The following FAT1 variants were observed in gnomAD, a reference collection of about 807,000 sequenced individuals.
FAT1 encodes protocadherin Fat 1.
Under a neutral mutation model 329.8 loss-of-function variants are expected in FAT1, and 171 were observed. The ratio of observed to expected loss-of-function variants is 0.52; its 90% CI spans 0.46 to 0.59. The LOEUF (loss-of-function observed/expected upper bound fraction) is 0.59. Among genes scored for constraint, FAT1 ranks in the 20% least tolerant of loss-of-function variants. The pLI is 0.00. For synonymous variants in FAT1, 2,233 were observed against 2,228.6 expected, an observed-to-expected ratio of 1.00 and a Z score of -0.06; for missense variants, 5,672 against 5,774.4, an observed-to-expected ratio of 0.98 and a Z score of 0.57.
At position 186,672,553 on chromosome 4, in the gene FAT1, G is replaced by A. The variant is rs558789767; in HGVS notation, c.3266-8940C>T. Among the ~76,000 whole-genome samples the A allele has an allele frequency of 7.6e-4, 115 of 152,304 alleles. 1 individual carries two copies. The highest frequency in any genetic ancestry group is 2.7e-3 in the African/African-American group (112 of 41,564). On this transcript the variant is annotated intron_variant, in intron 2 of 26. Transcript: ENST00000441802. ...CAAACTCAGTGGCCTGATGATGACT[G>A]ACAGGGATGGCAACATAACAGCATA...
chr4:186,718,886 A>G (rs567211540), intron 1 of FAT1, among the ~76,000 whole-genome samples: 1 of 152,076 alleles, frequency 6.6e-6, no homozygotes, highest in East Asian at 1.9e-4. Flanking sequence ...CCGCATCACA[A>G]GCTAATGTCA....
chr4:186,707,793 C>T lies in FAT1; in HGVS notation c.2035G>A (p.Val679Ile), dbSNP rs61733571. The change falls in exon 2 of 27, where the codon GTT becomes ATT. Residue 679 changes from valine to isoleucine, a missense_variant. Around this residue, in one of 2 missense-constraint regions of FAT1, gnomAD observed 3,966 missense variants for 3,915.2 expected, o/e 1.01. Transcript: ENST00000441802. Reference sequence around the variant, plus strand: ...AGCTTCTCTGCCAGCATTTTGGCAACACCAGTCTCTTCACACTGCAAGTTT... The same window carrying T: ...AGCTTCTCTGCCAGCATTTTGGCAATACCAGTCTCTTCACACTGCAAGTTT... ...LVNLQCEETG[V>I]AKMLAEKLLQ... 2,789 of 1,613,692 alleles carry T rather than the reference C, an allele frequency of 1.7e-3. 45 individuals are homozygous for T. In the African/African-American group the frequency reaches 0.033, roughly 19 times the overall value.
At chr4:186,688,855 C>T (rs951602053) in intron 2 of FAT1, among the ~76,000 whole-genome samples, 5 of 152,016 alleles carry the variant, frequency 3.3e-5, no homozygotes, top group Non-Finnish European at 7.4e-5. Context: ...AACCTGTATT[C>T]GTTTAAACCC....
At chr4:186,648,816 G>A (rs1741498856) in intron 3 of FAT1, among the ~76,000 whole-genome samples, 1 of 152,046 alleles carries the variant, frequency 6.6e-6, no homozygotes, top group South Asian at 2.1e-4. Context: ...CACTCATGAG[G>A]ACCCAGCCTG....
At chr4:186,666,477 C>T (rs1186927619) in intron 2 of FAT1, among the ~76,000 whole-genome samples, 1 of 152,146 alleles carries the variant, frequency 6.6e-6, no homozygotes, top group African/African-American at 2.4e-5. Flanking sequence ...TACACATTAA[C>T]AAAATGTACA....
chr4:186,649,978 C>T (rs1741558941), intron 3 of FAT1, among the ~76,000 whole-genome samples: 1 of 152,144 alleles, frequency 6.6e-6, no homozygotes, highest in Admixed American at 6.5e-5. Context: ...TTCCATTATT[C>T]AGAGATAACC....
rs759140245 is a variant in FAT1 at position 186,614,315 on chromosome 4, G to A, written c.9105C>T (p.Asp3035=). Residue 3035 remains aspartate (D), a synonymous_variant, in exon 12 of 27, where the codon GAC becomes GAT. Coordinates refer to ENST00000441802, the MANE Select transcript of FAT1 (RefSeq NM_005245.4). ...KTLYSDTIPE[D]VLPGKLIMQI... Reference sequence around the variant, plus strand: ...GCATGATCAATTTTCCAGGAAGGACGTCTTCAGGAATAGTGTCTGAATATA... The same window carrying A: ...GCATGATCAATTTTCCAGGAAGGACATCTTCAGGAATAGTGTCTGAATATA... The A allele has an allele frequency of 2.5e-5, 40 of 1,578,734 alleles. No homozygotes were observed. The African/African-American group carries it at 3.0e-4, about 12-fold the overall frequency.
At chr4:186,704,746 C>T (rs1744488748) in intron 2 of FAT1, among the ~76,000 whole-genome samples, 1 of 152,108 alleles carries the variant, frequency 6.6e-6, no homozygotes, top group South Asian at 2.1e-4. Flanking sequence ...AAAAGACATT[C>T]TACTCTTCAG....
At chr4:186,692,962 G>T (rs1743857329) in intron 2 of FAT1, among the ~76,000 whole-genome samples, 1 of 152,152 alleles carries the variant, frequency 6.6e-6, no homozygotes, top group Non-Finnish European at 1.5e-5. Context: ...TCCTTTGGGG[G>T]TAAGAAACTT....
chr4:186,724,988 A>T (rs2126729852), upstream of FAT1, among the ~76,000 whole-genome samples: 1 of 152,274 alleles, frequency 6.6e-6, no homozygotes, highest in Admixed American at 6.5e-5. This position sits in a 1 kb window ranked among gnomAD's most constrained non-coding sequence, Gnocchi z 5.3. Flanking sequence ...TGACCGGAAA[A>T]AATAATAATA....
chr4:186,714,726 T>C (rs1745127904), intron 1 of FAT1, among the ~76,000 whole-genome samples: 4 of 151,850 alleles, frequency 2.6e-5, no homozygotes, highest in Admixed American at 2.6e-4. Context: ...AGTGAGTAAA[T>C]AAAGATTTTT....
intron 4 of FAT1, among the ~76,000 whole-genome samples, chr4:186,638,455 G>GA (rs1740937578): frequency 1.3e-5 from 2 of 152,132 alleles, no homozygotes; most frequent in South Asian, 4.2e-4. Flanking sequence ...GTGACAGAAT[G>GA]AAAATTCAAA....
chr4:186,687,780 C>A (rs191025150), intron 2 of FAT1, among the ~76,000 whole-genome samples: 93 of 152,304 alleles, frequency 6.1e-4, no homozygotes, highest in African/African-American at 2.2e-3. Flanking sequence ...AAATCACATT[C>A]TTTAAGAATA....
At chr4:186,607,784 T>A (rs1243546828) in intron 16 of FAT1, among the ~76,000 whole-genome samples, 2 of 151,622 alleles carry the variant, frequency 1.3e-5, no homozygotes, top group Non-Finnish European at 1.5e-5. Flanking sequence ...GATGACTGGA[T>A]AAATGGGTGG....
chr4:186,595,752 G>T lies in FAT1; in HGVS notation c.13075C>A (p.Arg4359=), dbSNP rs1170751291. 1 of 1,613,710 alleles carries T rather than the reference G, an allele frequency of 6.2e-7. No individual in the cohort carries two copies. Among genetic ancestry groups the T allele is most frequent in the Non-Finnish European group, 8.5e-7 (1 of 1,179,818 alleles). ...EEKPSQPYSA[R]ESLSEVQSLS... is the part of the protein sequence containing the mutation. Reference sequence around the variant, plus strand: ...GACTGCACTTCAGACAGGCTTTCCCGGGCACTGTATGGCTGGGAAGGCTTT... The same window carrying T: ...GACTGCACTTCAGACAGGCTTTCCCTGGCACTGTATGGCTGGGAAGGCTTT... The change falls in exon 26 of 27, where the codon CGG becomes AGG. Residue 4359 remains arginine (R), a synonymous_variant. Coordinates refer to ENST00000441802, the MANE Select transcript of FAT1 (RefSeq NM_005245.4).
chr4:186,611,642 C>A lies in FAT1; in HGVS notation c.9597G>T (p.Leu3199Phe). The A allele has an allele frequency of 6.2e-7, 1 of 1,613,246 alleles. No individual in the cohort carries two copies. The highest frequency in any genetic ancestry group is 1.3e-5 in the African/African-American group (1 of 74,998). Residue 3199 changes from leucine to phenylalanine, a missense_variant, in exon 14 of 27, where the codon TTG (leucine) becomes TTT (phenylalanine). Coordinates refer to ENST00000441802, the MANE Select transcript of FAT1 (RefSeq NM_005245.4). The part of the protein sequence containing the change: ...RELQAVYTLS[L>F]KAVDQGLPRR... ...TTGGCAAGCCTTGATCCACAGCTTTCAAAGAGAGGGTGTATACTGCCTGGA... is the reference window on the plus strand; with the variant it reads ...TTGGCAAGCCTTGATCCACAGCTTTAAAAGAGAGGGTGTATACTGCCTGGA...
chr4:186,641,714 C>A (rs1741104436), intron 3 of FAT1, among the ~76,000 whole-genome samples: 2 of 152,170 alleles, frequency 1.3e-5, no homozygotes, highest in Non-Finnish European at 2.9e-5. Flanking sequence ...ACTACCAATT[C>A]CACATAAAAA....
intron 7 of FAT1, 57 bp from the exon 8 acceptor site, chr4:186,628,820 C>A: frequency 6.6e-7 from 1 of 1,516,302 alleles, no homozygotes. Flanking sequence ...TGTTTTAATA[C>A]TTAAAGAACC....
chr4:186,597,010 A>T lies in FAT1; in HGVS notation c.12530T>A (p.Ile4177Asn), dbSNP rs761708072. ...GATTCCAATTCCTTCCGCCAACCCA[A>T]TGTTCCACGGCGTGGACACATACTG... ...PNQYVSTPWN[I>N]GLAEGIGIVV... is the part of the protein sequence containing the mutation. Residue 4177 changes from isoleucine to asparagine, a missense_variant, in exon 25 of 27, where the codon ATT becomes AAT. By Grantham distance (149) the Ile-to-Asn change is moderately radical. Transcript: ENST00000441802. 3.7e-6 allele frequency: 6 copies of T among 1,613,830 alleles called. No individual in the cohort carries two copies. The highest frequency in any genetic ancestry group is 4.2e-6 in the Non-Finnish European group (5 of 1,179,884).
Sources: gnomAD v4.1 joint callset for allele counts (sites outside exome capture counted in the v4.1 genomes callset) on GRCh38, gnomAD v4.1.1 for gene constraint, gnomAD v4.1.1 regional missense constraint, Gnocchi (gnomAD v3.1) non-coding constraint, MANE v1.5 for transcripts, NCBI Gene and HGNC (gene_info 2026-07-23, HGNC 2026-07-21) for gene names.